PYGL: variants seen among roughly 807,000 people sequenced by gnomAD.
PYGL encodes the protein glycogen phosphorylase, liver form.
In PYGL, 90 loss-of-function variants were observed where a neutral mutation model predicts 100.1. The ratio of observed to expected loss-of-function variants is 0.90; its 90% CI spans 0.76 to 1.07. The LOEUF is 1.07. PYGL is among the 50% of genes least tolerant of loss of function. The pLI is 0.00. For synonymous variants in PYGL, 373 were observed against 393.0 expected, an observed-to-expected ratio of 0.95 and a Z score of 0.60; for missense variants, 1,016 against 1,057.6, an observed-to-expected ratio of 0.96 and a Z score of 0.55.
intron 16 of PYGL, among the ~76,000 whole-genome samples, chr14:50,910,461 C>A (rs1279885860): frequency 6.7e-6 from 1 of 149,950 alleles, no homozygotes; most frequent in Admixed American, 6.6e-5. Flanking sequence ...CTCTTTTTTT[C>A]TTTCTCTTTT....
rs568767941 is a variant in PYGL, at chr14:50,941,281, C to T, written c.243+2880G>A. Among the ~76,000 whole-genome samples the T allele has an allele frequency of 2.6e-5, 4 of 152,304 alleles. 1 individual carries two copies. The highest frequency in any genetic ancestry group is 2.6e-4 in the Admixed American group (4 of 15,298). On this transcript the variant is annotated intron_variant, in intron 1 of 19. Transcript: ENST00000216392. ...GTACTGGGCTAAGAAATGGAGTGTG[C>T]AAGTCCTGACCACAGGCGCTAAAAA...
rs1402967313 is a variant in PYGL at position 50,915,696 on chromosome 14, C to T, written c.1239+129G>A. On this transcript the variant is annotated intron_variant, in intron 10 of 19. Transcript: ENST00000216392. ...CAAAAAGCTGCCTTTGTTGGAGCCCCGTTCGGACTTGAGTACTTTTGCTGT... is the reference window on the plus strand; with the variant it reads ...CAAAAAGCTGCCTTTGTTGGAGCCCTGTTCGGACTTGAGTACTTTTGCTGT... 9.1e-6 allele frequency: 13 copies of T among 1,435,146 alleles called. No homozygotes were observed. In the South Asian group the frequency reaches 1.1e-4, roughly 12 times the overall value. 88.9% of individuals were successfully genotyped at this position (1,435,146 alleles called of 1,614,324 possible). A position where few individuals can be genotyped will look rare whatever the true frequency, so the allele number is the denominator to read the frequency against.
intron 19 of PYGL, among the ~76,000 whole-genome samples, chr14:50,906,741 C>T (rs750409314): frequency 5.9e-5 from 9 of 152,176 alleles, no homozygotes; most frequent in Non-Finnish European, 1.0e-4. Flanking sequence ...TGGCTTTTCT[C>T]TCCAATGTAC....
In PYGL at chr14:50,911,048, C is replaced by A. The variant is rs143721830; in HGVS notation, c.1969+682G>T. On this transcript the variant is annotated intron_variant, in intron 16 of 19. Coordinates refer to ENST00000216392, the MANE Select transcript of PYGL (RefSeq NM_002863.5). Reference sequence around the variant, plus strand: ...ACAGTAACATCAGAGGACCTAAAAACACCACAAAAAGAAAAAGCTCCCTTT... The same window carrying A: ...ACAGTAACATCAGAGGACCTAAAAAAACCACAAAAAGAAAAAGCTCCCTTT... Among the ~76,000 whole-genome samples the A allele has an allele frequency of 5.3e-3, 814 of 152,332 alleles. 12 individuals are homozygous for A. The highest frequency in any genetic ancestry group is 0.018 in the African/African-American group (767 of 41,594).
chr14:50,915,565 T>C, intron 10 of PYGL, 66 bp from the exon 11 acceptor site: 5 of 1,593,306 alleles, frequency 3.1e-6, no homozygotes, highest in Non-Finnish European at 4.3e-6. Context: ...GATAACGCTG[T>C]TCATGTCTTA....
At position 50,937,023 on chromosome 14, in the gene PYGL, C is replaced by T. The variant is rs183337566; in HGVS notation, c.345+713G>A. ...GGTTGTAGACGTATTTGTTCTTGAG[C>T]GAAGGACACATGAGGGGACAATCCC... On this transcript the variant is annotated intron_variant, in intron 2 of 19. Transcript: ENST00000216392. Among the ~76,000 whole-genome samples the T allele has an allele frequency of 1.6e-3, 238 of 152,088 alleles. 2 individuals are homozygous for T. The highest frequency in any genetic ancestry group is 5.2e-3 in the African/African-American group (217 of 41,482).
chr14:50,939,620 C>G (rs1334269528), intron 1 of PYGL, among the ~76,000 whole-genome samples: 1 of 151,826 alleles, frequency 6.6e-6, no homozygotes, highest in East Asian at 1.9e-4. Context: ...TCATTGCCCC[C>G]TTTTACAATA....
At chr14:50,934,522 C>T (rs1362628604) in intron 3 of PYGL, among the ~76,000 whole-genome samples, 1 of 151,996 alleles carries the variant, frequency 6.6e-6, no homozygotes, top group Non-Finnish European at 1.5e-5. Flanking sequence ...TAAAGCCATA[C>T]AGTGTGATAC....
chr14:50,943,074 T>C (rs1026114616), intron 1 of PYGL, among the ~76,000 whole-genome samples: 1 of 152,222 alleles, frequency 6.6e-6, no homozygotes, highest in African/African-American at 2.4e-5. Context: ...TCTTGGGCAC[T>C]GGGATTATAG....
At chr14:50,915,209 TA>T in intron 11 of PYGL, 126 bp downstream of exon 11, 1 of 1,167,622 alleles carries the variant, frequency 8.6e-7, no homozygotes, top group Non-Finnish European at 1.2e-6. Context: ...GTTTTTTGTA[TA>T]GAAGAAAATA....
intron 17 of PYGL, among the ~76,000 whole-genome samples, chr14:50,909,222 G>C (rs2050366348): frequency 6.6e-6 from 1 of 152,108 alleles, no homozygotes; most frequent in South Asian, 2.1e-4. Flanking sequence ...AGTCTGATGT[G>C]GTAGAATACA....
chr14:50,916,835 A>G lies in PYGL; in HGVS notation c.1000-101T>C, dbSNP rs2050456111. The stretch of plus-strand genomic sequence containing the variant: ...GAAAGCACTGATATGCCCACCTTCT[A>G]TGAAAGACTTGATGCACACTATTCC... On this transcript the variant is annotated intron_variant, in intron 8 of 19. Transcript: ENST00000216392. 3.9e-6 allele frequency: 6 copies of G among 1,544,130 alleles called. No individual in the cohort carries two copies. The African/African-American group carries it at 5.5e-5, about 14-fold the overall frequency.
In PYGL at chr14:50,909,971, C is replaced by A; in HGVS notation, c.2101G>T (p.Ala701Ser). 2 of 1,614,226 alleles carry A rather than the reference C, an allele frequency of 1.2e-6. No homozygotes were observed. Among genetic ancestry groups the A allele is most frequent in the South Asian group, 1.1e-5 (1 of 91,086 alleles). Residue 701 changes from alanine to serine, a missense_variant, in exon 17 of 20, where the codon GCA becomes TCA. Coordinates refer to ENST00000216392, the MANE Select transcript of PYGL (RefSeq NM_002863.5). ...AGGTTCTCTTCCCCAGCTTCTTCTG[C>A]CATTTCCACATTGGCCCCATCCATG... Reference protein sequence around the residue: ...GTMDGANVEMAEEAGEENLFI... With the variant: ...GTMDGANVEMSEEAGEENLFI...
intron 1 of PYGL, 80 bp downstream of exon 1, chr14:50,944,081 C>G: frequency 6.7e-7 from 1 of 1,494,082 alleles, no homozygotes; most frequent in African/African-American, 1.4e-5. Flanking sequence ...CTGAGGGGTT[C>G]TCCACCTCGT....
chr14:50,932,202 T>C (rs72685354), intron 3 of PYGL, among the ~76,000 whole-genome samples: 2 of 152,284 alleles, frequency 1.3e-5, no homozygotes, highest in Non-Finnish European at 2.9e-5. Context: ...GTATAACTTA[T>C]ATGTGTCCCA....
Position 50,944,226 on chromosome 14 carries a change from C to A in PYGL, c.178G>T (p.Val60Leu). The change falls in exon 1 of 20, where the codon GTG becomes TTG. Residue 60 changes from valine (V) to leucine (L), a missense_variant. Val to Leu is a conservative substitution (Grantham distance 32). Transcript: ENST00000216392. ...RDYYFALAHT[V>L]RDHLVGRWIR... ...CAGCGCCCCACCAGGTGGTCGCGCACCGTGTGCGCCAGCGCGAAGTAGTAG... is the reference window on the plus strand; with the variant it reads ...CAGCGCCCCACCAGGTGGTCGCGCAACGTGTGCGCCAGCGCGAAGTAGTAG... The A allele has an allele frequency of 1.2e-6, 2 of 1,613,162 alleles. No individual in the cohort carries two copies. The highest frequency in any genetic ancestry group is 1.7e-6 in the Non-Finnish European group (2 of 1,179,886).
chr14:50,935,092 C>T lies in PYGL; in HGVS notation c.424+15G>A. ...AATCGGCCAGACAATATAATACACT[C>T]ACAATGTCACTTACCAGCAAGTCTC... On this transcript the variant is annotated intron_variant, in intron 3 of 19. Coordinates refer to ENST00000216392, the MANE Select transcript of PYGL (RefSeq NM_002863.5). 2 of 1,594,338 alleles carry T rather than the reference C, an allele frequency of 1.3e-6. No homozygotes were observed. The highest frequency in any genetic ancestry group is 1.7e-6 in the Non-Finnish European group (2 of 1,162,094).
intron 16 of PYGL, among the ~76,000 whole-genome samples, chr14:50,911,091 GA>G (rs1344236978): frequency 6.6e-6 from 1 of 152,196 alleles, no homozygotes; most frequent in Non-Finnish European, 1.5e-5. Context: ...TTCAGTTTGG[GA>G]AGTGGGTGAA....
chr14:50,922,647 C>G (rs1339333391), intron 5 of PYGL, among the ~76,000 whole-genome samples: 1 of 152,200 alleles, frequency 6.6e-6, no homozygotes, highest in Admixed American at 6.5e-5. Context: ...CTGGGACACT[C>G]CATGTGGCTG....
Sources: allele counts gnomAD v4.1 joint callset (sites outside exome capture counted in the v4.1 genomes callset), GRCh38; gene constraint gnomAD v4.1.1; transcripts MANE v1.5; gene names NCBI Gene and HGNC (gene_info 2026-07-23, HGNC 2026-07-21).